Variants in C1orf105 observed in about 807,000 individuals in gnomAD.
C1orf105 encodes uncharacterized protein C1orf105.
Under a neutral mutation model 20.8 loss-of-function variants are expected in C1orf105, and 17 were observed. That is an observed-to-expected ratio of 0.82 (90% CI 0.56 to 1.23). The LOEUF (loss-of-function observed/expected upper bound fraction) is 1.23. Among genes scored for constraint, C1orf105 ranks in the 50% most tolerant of loss-of-function variants. The pLI, the probability that C1orf105 is intolerant of heterozygous loss-of-function variation, is 0.00. For synonymous variants in C1orf105, 72 were observed against 72.1 expected (o/e 1.00, Z 0.01); for missense variants, 219 against 213.5 (o/e 1.03, Z -0.16).
intron 3 of C1orf105, chr1:172,453,288 G>T: frequency 7.5e-7 from 1 of 1,341,874 alleles, no homozygotes; most frequent in South Asian, 1.4e-5. Context: ...TGAACACAAA[G>T]ACCATTATCG....
At chr1:172,457,011 GT>G (rs944021228) in intron 4 of C1orf105, among the ~76,000 whole-genome samples, 7 of 152,200 alleles carry the variant, frequency 4.6e-5, no homozygotes, top group African/African-American at 1.7e-4. Context: ...GTGGAGAATG[GT>G]GGTAGGGGAG....
intron 1 of C1orf105, chr1:172,442,738 G>T: frequency 1.1e-6 from 1 of 876,400 alleles, no homozygotes; most frequent in Non-Finnish European, 1.8e-6. Context: ...ATGCTGTGTT[G>T]ATGTTCTACC....
intron 3 of C1orf105, among the ~76,000 whole-genome samples, chr1:172,455,332 C>G (rs1341003816): frequency 6.6e-6 from 1 of 152,160 alleles, no homozygotes; most frequent in Non-Finnish European, 1.5e-5. Context: ...TGTTCCTCCT[C>G]TTTCTGTTCC....
intron 1 of C1orf105, among the ~76,000 whole-genome samples, chr1:172,437,217 C>T (rs2072066938): frequency 6.6e-6 from 1 of 152,168 alleles, no homozygotes; most frequent in African/African-American, 2.4e-5. Flanking sequence ...CCATTTGACC[C>T]AGCCATCCCA....
chr1:172,431,072 C>A, intron 1 of C1orf105: 2 of 662,146 alleles, frequency 3.0e-6, no homozygotes, highest in Non-Finnish European at 5.5e-6. Context: ...TTTCCTGAGA[C>A]ACAACAGTAT....
At chr1:172,446,841 T>C (rs1392590574) in intron 2 of C1orf105, among the ~76,000 whole-genome samples, 1 of 152,174 alleles carries the variant, frequency 6.6e-6, no homozygotes, top group African/African-American at 2.4e-5. Context: ...GTGGGCAGTT[T>C]TTCCTCCAGC....
chr1:172,447,508 G>T (rs1648142800), intron 2 of C1orf105, among the ~76,000 whole-genome samples: 1 of 152,122 alleles, frequency 6.6e-6, no homozygotes, highest in South Asian at 2.1e-4. Flanking sequence ...TGGCCTCCTG[G>T]TCTCTGCTGG....
chr1:172,441,276 C>A (rs761376520), intron 1 of C1orf105, among the ~76,000 whole-genome samples: 2 of 152,002 alleles, frequency 1.3e-5, no homozygotes, highest in Admixed American at 1.3e-4. Flanking sequence ...GAGCATAGCA[C>A]CCTGTGTTCT....
rs1650247941 is a variant in C1orf105 at position 172,468,747 on chromosome 1, T to TA, written c.*154dup. The stretch of plus-strand genomic sequence containing the variant: ...CTAAGATTGCTGGTATTCTAGCTCT[T>TA]ACCTCTATGTTCTTTCTCACGTCTC... On this transcript the variant is annotated 3_prime_UTR_variant, in exon 7 of 7. Transcript: ENST00000367727. The TA allele has an allele frequency of 4.2e-6, 3 of 712,812 alleles. No homozygotes were observed. Among genetic ancestry groups the TA allele is most frequent in the Admixed American group, 2.8e-5 (1 of 35,386 alleles). The allele number at this position is 712,812 out of a possible 1,614,324, so 44.2% of individuals were successfully genotyped here.
intron 5 of C1orf105, among the ~76,000 whole-genome samples, chr1:172,463,661 C>T (rs1649847054): frequency 6.6e-6 from 1 of 152,220 alleles, no homozygotes; most frequent in African/African-American, 2.4e-5. Flanking sequence ...TTTCACCCTT[C>T]TGTGAAATAA....
At chr1:172,460,157 C>A (rs1393155192) in intron 4 of C1orf105, among the ~76,000 whole-genome samples, 2 of 152,210 alleles carry the variant, frequency 1.3e-5, no homozygotes, top group East Asian at 3.9e-4. Flanking sequence ...ATACTAAAAA[C>A]TACTAAATTG....
At chr1:172,443,119 A>G (rs1248718875) in intron 1 of C1orf105, 2 of 167,944 alleles carry the variant, frequency 1.2e-5, no homozygotes, top group African/African-American at 4.8e-5. Flanking sequence ...CTGCTTTGGT[A>G]AAAAAGCTGA....
intron 3 of C1orf105, chr1:172,451,220 T>C (rs1224648941): frequency 6.6e-6 from 1 of 152,226 alleles, no homozygotes; most frequent in Non-Finnish European, 1.5e-5. Context: ...CAGTTACTAA[T>C]AGATTATAAA....
intron 1 of C1orf105, among the ~76,000 whole-genome samples, chr1:172,433,073 A>G (rs905131043): frequency 6.6e-6 from 1 of 152,258 alleles, no homozygotes; most frequent in Non-Finnish European, 1.5e-5. Flanking sequence ...GAGAAAAAAG[A>G]GTAAAAAGAA....
chr1:172,465,800 A>G, intron 6 of C1orf105: 1 of 396,780 alleles, frequency 2.5e-6, no homozygotes, highest in Non-Finnish European at 5.0e-6. Flanking sequence ...GCCTTCTCCC[A>G]GCAGCTGCCT....
intron 1 of C1orf105, among the ~76,000 whole-genome samples, chr1:172,438,205 G>C (rs1277411548): frequency 6.6e-6 from 1 of 152,132 alleles, no homozygotes; most frequent in Non-Finnish European, 1.5e-5. Context: ...CATCCATTCT[G>C]AAGTCCATGG....
At chr1:172,430,528 C>A (rs1307740278) in intron 1 of C1orf105, among the ~76,000 whole-genome samples, 1 of 152,150 alleles carries the variant, frequency 6.6e-6, no homozygotes, top group Non-Finnish European at 1.5e-5. Flanking sequence ...GCATTCTCGA[C>A]CTCCTGGGCT....
intron 3 of C1orf105, among the ~76,000 whole-genome samples, chr1:172,450,826 G>A (rs1057071271): frequency 2.0e-5 from 3 of 152,250 alleles, no homozygotes; most frequent in African/African-American, 7.2e-5. Flanking sequence ...CAGGAAGAGG[G>A]AGACAGAAAG....
chr1:172,436,463 A>G (rs914688103), intron 1 of C1orf105, among the ~76,000 whole-genome samples: 2 of 152,204 alleles, frequency 1.3e-5, no homozygotes, highest in Non-Finnish European at 2.9e-5. Context: ...CTGATCTTTG[A>G]CAAACCTGAC....
Sources: gnomAD v4.1 joint callset for allele counts (sites outside exome capture counted in the v4.1 genomes callset) on GRCh38, gnomAD v4.1.1 for gene constraint, MANE v1.5 for transcripts, NCBI Gene and HGNC (gene_info 2026-07-23, HGNC 2026-07-21) for gene names.